The following NBEA variants were observed in gnomAD, a reference collection of about 807,000 sequenced individuals.
NBEA encodes the protein neurobeachin.
A neutral mutation model predicts 343.4 loss-of-function variants in NBEA; 44 were observed. The ratio of observed to expected loss-of-function variants is 0.13; its 90% CI spans 0.10 to 0.16. NBEA has a LOEUF of 0.16. Ranked by LOEUF, NBEA falls within the 10% of genes least tolerant of loss-of-function variation. The pLI is 1.00. For missense variants in NBEA, 2,555 were observed against 3,631.3 expected, an observed-to-expected ratio of 0.70 and a Z score of 7.62; for synonymous variants, 1,175 against 1,238.7, an observed-to-expected ratio of 0.95 and a Z score of 1.08.
At chr13:35,297,993 T>G (rs1369578875) in intron 35 of NBEA, among the ~76,000 whole-genome samples, 1 of 151,546 alleles carries the variant, frequency 6.6e-6, no homozygotes, top group Non-Finnish European at 1.5e-5. Context: ...TGCATATAAC[T>G]TTTTACTCCC....
At chr13:35,087,566 A>C (rs2064839831) in intron 10 of NBEA, among the ~76,000 whole-genome samples, 1 of 151,914 alleles carries the variant, frequency 6.6e-6, no homozygotes, top group Non-Finnish European at 1.5e-5. Flanking sequence ...GTAGCATTAA[A>C]ATAATATTCC....
At chr13:35,052,542 T>C (rs1271745713) in intron 6 of NBEA, among the ~76,000 whole-genome samples, 1 of 151,980 alleles carries the variant, frequency 6.6e-6, no homozygotes, top group Non-Finnish European at 1.5e-5. Flanking sequence ...TATAAATTTC[T>C]TTTTGAGTCT....
chr13:35,054,071 A>G (rs1229573690), intron 6 of NBEA, among the ~76,000 whole-genome samples: 4 of 152,154 alleles, frequency 2.6e-5, no homozygotes, highest in Admixed American at 2.0e-4. Context: ...AAGTACACCA[A>G]TAAGTATAAT....
intron 33 of NBEA, 30 bp from the exon 34 acceptor site, chr13:35,232,462 T>G: frequency 7.3e-7 from 1 of 1,370,996 alleles, no homozygotes; most frequent in Non-Finnish European, 1.0e-6. Flanking sequence ...TGAATTATAT[T>G]TATTAGTTTT....
chr13:35,102,357 C>T (rs937605714), intron 11 of NBEA, among the ~76,000 whole-genome samples: 2 of 151,678 alleles, frequency 1.3e-5, no homozygotes, highest in African/African-American at 4.8e-5. Context: ...AGTATGTCAT[C>T]TAGCTTTACT....
At chr13:35,117,360 G>A (rs2066551943) in intron 13 of NBEA, 54 bp from the exon 14 acceptor site, 2 of 883,738 alleles carry the variant, frequency 2.3e-6, no homozygotes, top group African/African-American at 1.8e-5. Context: ...ATTGCATTTA[G>A]CTAATTTAAT....
At chr13:35,527,666 G>A (rs187365225) in intron 41 of NBEA, among the ~76,000 whole-genome samples, 14 of 152,310 alleles carry the variant, frequency 9.2e-5, no homozygotes, top group African/African-American at 3.4e-4. Flanking sequence ...AGAACGTGCT[G>A]GGAGCCAGGA....
chr13:35,268,864 A>G (rs2033904907), intron 34 of NBEA, among the ~76,000 whole-genome samples: 1 of 152,166 alleles, frequency 6.6e-6, no homozygotes, highest in Admixed American at 6.5e-5. Flanking sequence ...AGATAATGGA[A>G]CATCTTTAAA....
At chr13:35,552,192 C>A (rs908974560) in intron 43 of NBEA, among the ~76,000 whole-genome samples, 11 of 152,152 alleles carry the variant, frequency 7.2e-5, no homozygotes, top group African/African-American at 2.7e-4. Flanking sequence ...GTCTATCCTC[C>A]CTTAAATAGG....
intron 34 of NBEA, among the ~76,000 whole-genome samples, chr13:35,259,318 T>C (rs1275520447): frequency 2.0e-5 from 3 of 152,190 alleles, no homozygotes; most frequent in African/African-American, 7.2e-5. Flanking sequence ...GCAGAAAGCA[T>C]TTATCTTCCT....
At chr13:35,031,649 C>CT (rs924780569) in intron 1 of NBEA, among the ~76,000 whole-genome samples, 1 of 150,562 alleles carries the variant, frequency 6.6e-6, no homozygotes, top group African/African-American at 2.4e-5. Flanking sequence ...TAGACAGGAA[C>CT]TTTTTTTTTC....
chr13:35,626,426 G>A (rs2083233746), intron 48 of NBEA, among the ~76,000 whole-genome samples: 1 of 152,156 alleles, frequency 6.6e-6, no homozygotes. Context: ...CTCTAATAGA[G>A]ATAATAGTAA....
At chr13:35,119,836 G>A (rs2066697929) in intron 16 of NBEA, among the ~76,000 whole-genome samples, 1 of 152,134 alleles carries the variant, frequency 6.6e-6, no homozygotes, top group Non-Finnish European at 1.5e-5. Flanking sequence ...TGATCTGCCT[G>A]CCTTGGTCTC....
At chr13:35,121,810 A>G (rs766976862) in intron 16 of NBEA, among the ~76,000 whole-genome samples, 9 of 152,206 alleles carry the variant, frequency 5.9e-5, no homozygotes, top group Non-Finnish European at 1.3e-4. Flanking sequence ...CACTGAAACT[A>G]TGAAAATTAT....
In NBEA at chr13:35,649,837, C is replaced by A; in HGVS notation, c.7953C>A (p.His2651Gln). Residue 2651 changes from histidine to glutamine, a missense_variant, in exon 52 of 59, where the codon CAC becomes CAA. This residue lies in a region of NBEA where 61 missense variants were observed against 132.1 expected (regional missense o/e 0.46). Transcript: ENST00000379939. ...GACTCTTTGCAGTGAATAGATGGCA[C>A]AACACAGTAGGTATGTGTGCCTGAG... ...CSRLFAVNRW[H>Q]NTVGLRGAPG... is the part of the protein sequence containing the mutation. 6.2e-7 allele frequency: 1 copy of A among 1,613,888 alleles called. No individual in the cohort carries two copies. Among genetic ancestry groups the A allele is most frequent in the African/African-American group, 1.3e-5 (1 of 75,038 alleles).
intron 45 of NBEA, among the ~76,000 whole-genome samples, chr13:35,567,792 AG>A (rs1339471378): frequency 1.3e-5 from 2 of 152,194 alleles, no homozygotes; most frequent in African/African-American, 4.8e-5. Context: ...ATTTGGTTTT[AG>A]GGGGCAGGTT....
At chr13:35,385,724 A>C (rs2042215266) in intron 38 of NBEA, among the ~76,000 whole-genome samples, 1 of 152,176 alleles carries the variant, frequency 6.6e-6, no homozygotes, top group African/African-American at 2.4e-5. Context: ...ATAAAAAAAT[A>C]AAAATAAAAC....
At chr13:34,968,383 C>CT (rs1405102872) in intron 1 of NBEA, among the ~76,000 whole-genome samples, 1 of 152,088 alleles carries the variant, frequency 6.6e-6, no homozygotes, top group Non-Finnish European at 1.5e-5. Flanking sequence ...TTGAAACTAT[C>CT]TAAGGGCCCC....
intron 40 of NBEA, among the ~76,000 whole-genome samples, chr13:35,463,646 C>G (rs991366050): frequency 6.6e-6 from 1 of 151,974 alleles, no homozygotes; most frequent in African/African-American, 2.4e-5. Flanking sequence ...GAAAAAGTTG[C>G]AGACTTTTTA....
Sources: gnomAD v4.1 joint callset for allele counts (sites outside exome capture counted in the v4.1 genomes callset) on GRCh38, gnomAD v4.1.1 for gene constraint, gnomAD v4.1.1 regional missense constraint, MANE v1.5 for transcripts, NCBI Gene and HGNC (gene_info 2026-07-23, HGNC 2026-07-21) for gene names.